The following GPATCH2 variants were observed in gnomAD, a reference collection of about 807,000 sequenced individuals.
The protein encoded by GPATCH2 is G patch domain-containing protein 2.
Under a neutral mutation model 58.0 loss-of-function variants are expected in GPATCH2, and 51 were observed. The ratio of observed to expected loss-of-function variants is 0.88; its 90% confidence interval spans 0.70 to 1.11. GPATCH2 has a LOEUF of 1.11. Among genes scored for constraint, GPATCH2 ranks in the 50% most tolerant of loss-of-function variants. The probability of loss-of-function intolerance (pLI) is 0.00; values close to 1 mark genes in which losing one functional copy is unlikely to be tolerated. For missense variants in GPATCH2, 625 were observed against 652.2 expected (o/e 0.96, Z 0.45); for synonymous variants, 222 against 218.5 (o/e 1.02, Z -0.14).
chr1:217,483,573 C>T (rs1343492441), intron 8 of GPATCH2, among the ~76,000 whole-genome samples: 4 of 152,172 alleles, frequency 2.6e-5, no homozygotes, highest in Non-Finnish European at 5.9e-5. Context: ...TTTAAGTATT[C>T]ACGTGGAATG....
Position 217,588,541 on chromosome 1 carries a change from T to C in GPATCH2, c.1098+21780A>G, listed in dbSNP as rs185366037. Among the ~76,000 whole-genome samples the C allele has an allele frequency of 1.0e-3, 153 of 152,282 alleles. 1 individual carries two copies. The highest frequency in any genetic ancestry group is 2.5e-3 in the South Asian group (12 of 4,822). On this transcript the variant is annotated intron_variant, in intron 5 of 9. Coordinates refer to ENST00000366935, the MANE Select transcript of GPATCH2 (RefSeq NM_018040.5). The stretch of plus-strand genomic sequence containing the variant: ...AACTTAATTGAACCATAAGACATCA[T>C]CTAGTATATGACATTCTCAGAAAAA...
chr1:217,502,799 T>C (rs1662370296), intron 6 of GPATCH2, among the ~76,000 whole-genome samples: 1 of 152,172 alleles, frequency 6.6e-6, no homozygotes, highest in Non-Finnish European at 1.5e-5. Flanking sequence ...ATTTTTCTCA[T>C]ATTAGTAAAT....
At chr1:217,566,595 T>A (rs929621521) in intron 5 of GPATCH2, among the ~76,000 whole-genome samples, 2 of 152,224 alleles carry the variant, frequency 1.3e-5, no homozygotes, top group Admixed American at 6.5e-5. Flanking sequence ...TCAATCCAAT[T>A]ATTAATGAAA....
At chr1:217,482,400 C>G (rs549639429) in intron 8 of GPATCH2, among the ~76,000 whole-genome samples, 12 of 152,200 alleles carry the variant, frequency 7.9e-5, no homozygotes, top group Admixed American at 4.6e-4. Context: ...GGACCTTACA[C>G]TGAGCAGAGA....
In GPATCH2 at chr1:217,428,865, T is replaced by C. The variant is rs943238871; in HGVS notation, c.*2280A>G. The C allele has an allele frequency of 6.6e-6, 1 of 152,190 alleles. No homozygotes were observed. Among genetic ancestry groups the C allele is most frequent in the East Asian group, 1.9e-4 (1 of 5,194 alleles). The allele number at this position is 152,190 out of a possible 1,614,324, so 9.4% of individuals were successfully genotyped here. A position where few individuals can be genotyped will look rare whatever the true frequency, so the allele number is the denominator to read the frequency against. On this transcript the variant is annotated 3_prime_UTR_variant, in exon 10 of 10. Coordinates refer to ENST00000366935, the MANE Select transcript of GPATCH2 (RefSeq NM_018040.5). ...GAACAGCAACAATAAAGAGCACTCA[T>C]AAGGACTGCAATATTTAATGAAGAA... is the stretch of plus-strand genomic sequence containing the variant.
At chr1:217,557,179 G>A (rs1256139078) in intron 5 of GPATCH2, among the ~76,000 whole-genome samples, 2 of 152,096 alleles carry the variant, frequency 1.3e-5, no homozygotes, top group Admixed American at 6.6e-5. Context: ...GGCCAAGGCG[G>A]GTGGATCACC....
chr1:217,516,809 TAAAC>T (rs370901569), intron 5 of GPATCH2, among the ~76,000 whole-genome samples: 2 of 152,210 alleles, frequency 1.3e-5, no homozygotes, highest in Admixed American at 6.5e-5. Context: ...AGAGAAAAAA[TAAAC>T]AACGTGTTGA....
At chr1:217,488,356 A>C (rs1661551556) in intron 8 of GPATCH2, among the ~76,000 whole-genome samples, 1 of 152,218 alleles carries the variant, frequency 6.6e-6, no homozygotes, top group Non-Finnish European at 1.5e-5. Context: ...ATGGTGGGTT[A>C]GTAAGTTTCT....
chr1:217,441,151 C>T (rs1284995998), intron 9 of GPATCH2, among the ~76,000 whole-genome samples: 1 of 151,354 alleles, frequency 6.6e-6, no homozygotes, highest in Non-Finnish European at 1.5e-5. Context: ...CTGGTACTAA[C>T]ACAGATATAT....
chr1:217,558,748 G>A (rs1333702424), intron 5 of GPATCH2, among the ~76,000 whole-genome samples: 1 of 152,074 alleles, frequency 6.6e-6, no homozygotes, highest in Non-Finnish European at 1.5e-5. Context: ...CAGGAGTTGA[G>A]AGCAGCCTGG....
intron 5 of GPATCH2, among the ~76,000 whole-genome samples, chr1:217,542,934 C>T (rs1003346196): frequency 6.6e-6 from 1 of 151,886 alleles, no homozygotes; most frequent in African/African-American, 2.4e-5. Context: ...AGGCAGTCAG[C>T]TGCAGCTCAC....
At chr1:217,598,098 T>C (rs1191187135) in intron 5 of GPATCH2, among the ~76,000 whole-genome samples, 2 of 152,166 alleles carry the variant, frequency 1.3e-5, no homozygotes, top group African/African-American at 4.8e-5. Flanking sequence ...CTATAAAACA[T>C]AGGGTCGGTG....
chr1:217,529,002 C>T (rs1010888374), intron 5 of GPATCH2, among the ~76,000 whole-genome samples: 1 of 152,096 alleles, frequency 6.6e-6, no homozygotes, highest in African/African-American at 2.4e-5. Flanking sequence ...CAGTCCAGAC[C>T]AGCTAGAGGT....
chr1:217,518,959 C>G (rs1015565557), intron 5 of GPATCH2, among the ~76,000 whole-genome samples: 1 of 152,330 alleles, frequency 6.6e-6, no homozygotes, highest in East Asian at 1.9e-4. Context: ...GCCTCAGCCT[C>G]CCGGCCAGTT....
intron 5 of GPATCH2, among the ~76,000 whole-genome samples, chr1:217,604,824 G>A (rs1186100569): frequency 6.6e-6 from 1 of 152,142 alleles, no homozygotes; most frequent in African/African-American, 2.4e-5. Context: ...TTAGGAGTTC[G>A]AGACCAGCCT....
intron 5 of GPATCH2, among the ~76,000 whole-genome samples, chr1:217,593,339 A>G (rs941415345): frequency 6.6e-6 from 1 of 152,006 alleles, no homozygotes; most frequent in Admixed American, 6.6e-5. Flanking sequence ...GGTATAACTG[A>G]CAATTTATTG....
chr1:217,628,885 T>C (rs753996491), intron 1 of GPATCH2, among the ~76,000 whole-genome samples: 11 of 152,042 alleles, frequency 7.2e-5, no homozygotes, highest in Non-Finnish European at 1.6e-4. Context: ...AGATATTATA[T>C]CTCATTCAGA....
intron 5 of GPATCH2, among the ~76,000 whole-genome samples, chr1:217,545,354 A>C: frequency 6.6e-6 from 1 of 152,230 alleles, no homozygotes; most frequent in East Asian, 1.9e-4. Context: ...GACTCTGGGA[A>C]GATGACTGGC....
At chr1:217,466,732 GA>G (rs970466524) in intron 8 of GPATCH2, among the ~76,000 whole-genome samples, 1 of 151,022 alleles carries the variant, frequency 6.6e-6, no homozygotes, top group African/African-American at 2.4e-5. Context: ...GTAATTATTA[GA>G]AAAAAAAGCC....
Sources: allele counts gnomAD v4.1 joint callset (sites outside exome capture counted in the v4.1 genomes callset), GRCh38; gene constraint gnomAD v4.1.1; transcripts MANE v1.5; gene names NCBI Gene and HGNC (gene_info 2026-07-23, HGNC 2026-07-21).